The following RNF180 variants were observed in gnomAD, a reference collection of about 807,000 sequenced individuals.
RNF180 encodes the protein ring finger protein 180, also known as E3 ubiquitin-protein ligase RNF180.
A neutral mutation model predicts 59.2 loss-of-function variants in RNF180; 38 were observed. The observed-to-expected ratio is 0.64, with a 90% confidence interval of 0.50 to 0.84. The LOEUF (loss-of-function observed/expected upper bound fraction) is 0.84, where lower values mean the gene tolerates loss of function less well. Among genes scored for constraint, RNF180 ranks in the 40% least tolerant of loss-of-function variants. RNF180 has a pLI of 0.00. For synonymous variants in RNF180, 262 were observed against 240.3 expected (o/e 1.09, Z -0.84); for missense variants, 705 against 700.9 (o/e 1.01, Z -0.07).
intron 5 of RNF180, among the ~76,000 whole-genome samples, chr5:64,302,320 G>C (rs1743201633): frequency 6.6e-6 from 1 of 151,386 alleles, no homozygotes; most frequent in Non-Finnish European, 1.5e-5. Flanking sequence ...ATTGTGGTAG[G>C]GATATTTATT....
chr5:64,192,943 T>C (rs1473373313), intron 1 of RNF180, among the ~76,000 whole-genome samples: 1 of 72,924 alleles, frequency 1.4e-5, no homozygotes, highest in Non-Finnish European at 2.8e-5. Context: ...ATATATAAAA[T>C]GAAACATTCA....
At chr5:64,243,336 T>A (rs1742909790) in intron 5 of RNF180, among the ~76,000 whole-genome samples, 1 of 152,154 alleles carries the variant, frequency 6.6e-6, no homozygotes, top group African/African-American at 2.4e-5. Flanking sequence ...ATTCACTGGC[T>A]CAAAATTATT....
intron 5 of RNF180, among the ~76,000 whole-genome samples, chr5:64,272,389 A>T (rs1741466573): frequency 6.6e-6 from 1 of 151,990 alleles, no homozygotes; most frequent in Non-Finnish European, 1.5e-5. Context: ...TATCCCAGAG[A>T]AGAATGGTAC....
intron 5 of RNF180, among the ~76,000 whole-genome samples, chr5:64,317,126 T>C (rs1035295241): frequency 1.3e-5 from 2 of 152,252 alleles, no homozygotes; most frequent in East Asian, 3.9e-4. Context: ...TTCAAACCCA[T>C]GTCAACTATA....
At chr5:64,175,169 G>A (rs1750165563) in intron 1 of RNF180, among the ~76,000 whole-genome samples, 1 of 151,936 alleles carries the variant, frequency 6.6e-6, no homozygotes, top group African/African-American at 2.4e-5. Context: ...GTTTCTCCAT[G>A]TTGGTCAGGC....
chr5:64,192,901 A>ATGTGTG (rs1417440310), intron 1 of RNF180, among the ~76,000 whole-genome samples: 18 of 71,184 alleles, frequency 2.5e-4, no homozygotes, highest in African/African-American at 1.0e-3. Flanking sequence ...AAAGTGTGGC[A>ATGTGTG]TGTATATATA....
chr5:64,207,425 G>A (rs937274661), intron 2 of RNF180, among the ~76,000 whole-genome samples: 7 of 152,010 alleles, frequency 4.6e-5, no homozygotes, highest in South Asian at 2.1e-4. Context: ...GTGGATCTCC[G>A]GAACTAAAAT....
At chr5:64,196,055 CT>C (rs1255346079) in intron 1 of RNF180, among the ~76,000 whole-genome samples, 5 of 152,122 alleles carry the variant, frequency 3.3e-5, no homozygotes, top group Non-Finnish European at 5.9e-5. Context: ...TGGAAATTGA[CT>C]TTCTTTTCCT....
At chr5:64,181,399 C>T (rs1750576451) in intron 1 of RNF180, among the ~76,000 whole-genome samples, 1 of 152,164 alleles carries the variant, frequency 6.6e-6, no homozygotes, top group South Asian at 2.1e-4. Flanking sequence ...CCATTTTATC[C>T]TACTCTGACA....
At chr5:64,239,172 A>G (rs904004538) in intron 5 of RNF180, among the ~76,000 whole-genome samples, 5 of 152,176 alleles carry the variant, frequency 3.3e-5, no homozygotes, top group African/African-American at 7.2e-5. Flanking sequence ...AGATGTAGGT[A>G]CTTTATAAAT....
intron 5 of RNF180, among the ~76,000 whole-genome samples, chr5:64,261,814 C>T (rs1054513028): frequency 1.5e-4 from 23 of 152,122 alleles, no homozygotes; most frequent in African/African-American, 5.5e-4. Context: ...GAGTCATCCA[C>T]CATCACTTGC....
intron 5 of RNF180, among the ~76,000 whole-genome samples, chr5:64,229,673 A>C (rs1217641231): frequency 6.6e-6 from 1 of 152,218 alleles, no homozygotes; most frequent in African/African-American, 2.4e-5. Context: ...CTTATTTTTA[A>C]GGGTTAGGGT....
chr5:64,178,412 G>A (rs142206878), intron 1 of RNF180, among the ~76,000 whole-genome samples: 53 of 152,222 alleles, frequency 3.5e-4, no homozygotes, highest in African/African-American at 1.2e-3. Flanking sequence ...TCAGCCTCCT[G>A]GGAATTAGAG....
At chr5:64,350,224 G>C (rs1381659236) in intron 7 of RNF180, among the ~76,000 whole-genome samples, 2 of 152,120 alleles carry the variant, frequency 1.3e-5, no homozygotes, top group Non-Finnish European at 2.9e-5. Flanking sequence ...CTTTTGAGAA[G>C]TGTCTGTTCA....
intron 5 of RNF180, among the ~76,000 whole-genome samples, chr5:64,317,847 C>CA (rs373365496): frequency 6.6e-6 from 1 of 151,882 alleles, no homozygotes; most frequent in Non-Finnish European, 1.5e-5. Context: ...CCTAACTTAC[C>CA]AAAAAAGTGT....
intron 5 of RNF180, among the ~76,000 whole-genome samples, chr5:64,228,395 T>A (rs1741902100): frequency 6.6e-6 from 1 of 152,054 alleles, no homozygotes; most frequent in South Asian, 2.1e-4. Flanking sequence ...AAGCCTATAG[T>A]CCCAGCTACT....
rs141100499 is a variant in RNF180 at position 64,361,939 on chromosome 5, G to A, written c.1580-7676G>A. ...TATTTGGTGGACAAAAAAAATCTTGGATATTAGAGTGGTTTGTGATCCTCA... is the reference window on the plus strand; with the variant it reads ...TATTTGGTGGACAAAAAAAATCTTGAATATTAGAGTGGTTTGTGATCCTCA... On this transcript the variant is annotated intron_variant, in intron 7 of 7. Transcript: ENST00000389100. Among the ~76,000 whole-genome samples, 366 of 151,300 alleles carry A rather than the reference G, an allele frequency of 2.4e-3. 2 individuals carry two copies. The highest frequency in any genetic ancestry group is 7.7e-3 in the African/African-American group (320 of 41,394).
chr5:64,311,660 T>G (rs1279012707), intron 5 of RNF180, among the ~76,000 whole-genome samples: 1 of 152,072 alleles, frequency 6.6e-6, no homozygotes, highest in African/African-American at 2.4e-5. Flanking sequence ...TTTTCCTGGT[T>G]AATTTGTACA....
intron 5 of RNF180, among the ~76,000 whole-genome samples, chr5:64,292,029 GTAT>G (rs1286744808): frequency 7.9e-5 from 12 of 151,990 alleles, no homozygotes; most frequent in Admixed American, 7.9e-4. Context: ...ATCAACTCCT[GTAT>G]TATTTTGTCA....
Sources: allele counts gnomAD v4.1 joint callset (sites outside exome capture counted in the v4.1 genomes callset), GRCh38; gene constraint gnomAD v4.1.1; transcripts MANE v1.5; gene names NCBI Gene and HGNC (gene_info 2026-07-23, HGNC 2026-07-21).